The following NEGR1 variants were observed in gnomAD, a reference collection of about 807,000 sequenced individuals.
NEGR1 encodes neuronal growth regulator 1.
Under a neutral mutation model 40.9 loss-of-function variants are expected in NEGR1, and 10 were observed. The observed-to-expected ratio is 0.24, with a 90% CI of 0.15 to 0.42. NEGR1 has a LOEUF of 0.42. Among genes scored for constraint, NEGR1 ranks in the 10% least tolerant of loss-of-function variants. The pLI, the probability that NEGR1 is intolerant of heterozygous loss-of-function variation, is 1.00. For missense variants in NEGR1, 352 were observed against 438.9 expected (o/e 0.80, Z 1.77); for synonymous variants, 185 against 166.8 (o/e 1.11, Z -0.84).
intron 2 of NEGR1, among the ~76,000 whole-genome samples, chr1:71,928,339 TAC>T (rs1363281129): frequency 2.3e-5 from 3 of 128,276 alleles, no homozygotes; most frequent in South Asian, 2.4e-4. Flanking sequence ...TATGTATATA[TAC>T]ACACATGTGT....
intron 1 of NEGR1, among the ~76,000 whole-genome samples, chr1:72,240,855 G>A (rs934493312): frequency 7.9e-5 from 12 of 151,752 alleles, no homozygotes; most frequent in Admixed American, 1.3e-4. Flanking sequence ...GAGTTTTGAT[G>A]ATAAATCTGT....
chr1:71,873,078 A>T (rs1298321248), intron 2 of NEGR1, among the ~76,000 whole-genome samples: 1 of 149,394 alleles, frequency 6.7e-6, no homozygotes, highest in Non-Finnish European at 1.5e-5. Flanking sequence ...AAACGGTAGA[A>T]ATTGGGAGGT....
intron 6 of NEGR1, among the ~76,000 whole-genome samples, chr1:71,440,784 T>C (rs940104433): frequency 1.3e-5 from 2 of 152,234 alleles, no homozygotes; most frequent in African/African-American, 4.8e-5. Flanking sequence ...ATTTCTGTCA[T>C]TGAAATTAAA....
intron 1 of NEGR1, among the ~76,000 whole-genome samples, chr1:72,244,203 T>TA (rs1277768061): frequency 6.6e-6 from 1 of 151,852 alleles, no homozygotes; most frequent in East Asian, 1.9e-4. Flanking sequence ...AGGCTGCTAT[T>TA]AATGCCTTAG....
chr1:71,695,855 T>G (rs1653458649), intron 4 of NEGR1, among the ~76,000 whole-genome samples: 1 of 151,838 alleles, frequency 6.6e-6, no homozygotes, highest in Non-Finnish European at 1.5e-5. Flanking sequence ...TCCCTCTCTA[T>G]GGCAAAGGGC....
intron 1 of NEGR1, among the ~76,000 whole-genome samples, chr1:72,188,314 A>G (rs925085337): frequency 6.6e-6 from 1 of 151,336 alleles, no homozygotes; most frequent in African/African-American, 2.4e-5. Flanking sequence ...ATGAACATAA[A>G]TTTTTCCTTT....
intron 6 of NEGR1, among the ~76,000 whole-genome samples, chr1:71,461,379 C>T (rs1417133190): frequency 1.3e-5 from 2 of 152,138 alleles, no homozygotes; most frequent in African/African-American, 4.8e-5. Context: ...TAAATTAACA[C>T]CCTGAATTTG....
intron 1 of NEGR1, chr1:72,274,506 C>T (rs1655969500): frequency 1.7e-5 from 11 of 647,178 alleles, no homozygotes; most frequent in Non-Finnish European, 2.6e-5. Flanking sequence ...TAAACTGTCT[C>T]AAGTTGTCTG....
intron 6 of NEGR1, among the ~76,000 whole-genome samples, chr1:71,447,994 T>C (rs903953229): frequency 1.3e-5 from 2 of 152,206 alleles, no homozygotes; most frequent in Non-Finnish European, 2.9e-5. Flanking sequence ...TCAATATACT[T>C]GCATTTTTAA....
chr1:71,990,633 A>G (rs1646440785), intron 1 of NEGR1, among the ~76,000 whole-genome samples: 1 of 152,084 alleles, frequency 6.6e-6, no homozygotes, highest in South Asian at 2.1e-4. Context: ...AAATGATGAT[A>G]ATTGAGGGAA....
chr1:71,787,174 C>G (rs563078566), intron 2 of NEGR1, among the ~76,000 whole-genome samples: 8 of 152,170 alleles, frequency 5.3e-5, no homozygotes, highest in Admixed American at 1.3e-4. Flanking sequence ...TTAAAAGCAA[C>G]CACGTTTGGG....
At chr1:71,997,741 GTC>G (rs2100373205) in intron 1 of NEGR1, among the ~76,000 whole-genome samples, 1 of 151,948 alleles carries the variant, frequency 6.6e-6, no homozygotes, top group East Asian at 1.9e-4. Context: ...ACCTGTTTAT[GTC>G]TCTGTTACAT....
intron 2 of NEGR1, among the ~76,000 whole-genome samples, chr1:71,879,118 A>G (rs1660512901): frequency 6.8e-6 from 1 of 147,866 alleles, no homozygotes; most frequent in Admixed American, 6.8e-5. Flanking sequence ...GGGAAACAAG[A>G]GTGAAACTCT....
intron 2 of NEGR1, among the ~76,000 whole-genome samples, chr1:71,918,683 C>CAAAAAA (rs10707382): frequency 6.9e-6 from 1 of 144,406 alleles, no homozygotes; most frequent in Non-Finnish European, 1.5e-5. Context: ...TATGCTGTGC[C>CAAAAAA]AAAAAAAAAA....
At chr1:71,890,147 A>G (rs1412887551) in intron 2 of NEGR1, among the ~76,000 whole-genome samples, 2 of 137,574 alleles carry the variant, frequency 1.5e-5, no homozygotes, top group African/African-American at 5.5e-5. Flanking sequence ...GACTAGGAAG[A>G]AACTGCATCA....
intron 2 of NEGR1, among the ~76,000 whole-genome samples, chr1:71,812,889 G>A (rs1403420136): frequency 6.6e-6 from 1 of 151,684 alleles, no homozygotes; most frequent in Non-Finnish European, 1.5e-5. Flanking sequence ...TTCTTTTGTT[G>A]GGCTCTTTAG....
chr1:72,259,333 G>A (rs1245938305), intron 1 of NEGR1, among the ~76,000 whole-genome samples: 1 of 152,046 alleles, frequency 6.6e-6, no homozygotes, highest in Non-Finnish European at 1.5e-5. Flanking sequence ...AGGATAAATC[G>A]AGTATGAGTC....
At chr1:71,732,591 G>T (rs1654919051) in intron 3 of NEGR1, among the ~76,000 whole-genome samples, 1 of 151,964 alleles carries the variant, frequency 6.6e-6, no homozygotes, top group Admixed American at 6.6e-5. Flanking sequence ...GGTGTTTCCT[G>T]CTAGTTAGCT....
At chr1:71,906,477 T>TA (rs368464744) in intron 2 of NEGR1, among the ~76,000 whole-genome samples, 371 of 141,026 alleles carry the variant, frequency 2.6e-3, no homozygotes, top group African/African-American at 3.9e-3. Flanking sequence ...GGCCAAGGAT[T>TA]AAAAAAAAAA....
Sources: allele counts gnomAD v4.1 joint callset (sites outside exome capture counted in the v4.1 genomes callset), GRCh38; gene constraint gnomAD v4.1.1; transcripts MANE v1.5; gene names NCBI Gene and HGNC (gene_info 2026-07-23, HGNC 2026-07-21).